TBC1D1: variants seen among roughly 807,000 people sequenced by gnomAD.
TBC1D1 encodes the protein TBC1 (tre-2/USP6, BUB2, cdc16) domain family, member 1.
A neutral mutation model predicts 125.6 loss-of-function variants in TBC1D1; 89 were observed. The ratio of observed to expected loss-of-function variants is 0.71; its 90% CI spans 0.60 to 0.85. The LOEUF is 0.85. TBC1D1 is among the 40% of genes least tolerant of loss of function. TBC1D1 has a pLI of 0.00. For synonymous variants in TBC1D1, 565 were observed against 564.1 expected, an observed-to-expected ratio of 1.00 and a Z score of -0.02; for missense variants, 1,377 against 1,469.2, an observed-to-expected ratio of 0.94 and a Z score of 1.03.
intron 12 of TBC1D1, among the ~76,000 whole-genome samples, chr4:38,059,910 G>T (rs1479583681): frequency 5.3e-5 from 8 of 152,102 alleles, no homozygotes; most frequent in Admixed American, 1.3e-4. Context: ...AGTGTTTGTT[G>T]TTCCCTTTCC....
Position 37,902,024 on chromosome 4 carries a change from A to C in TBC1D1, c.-72A>C. ...CCAGGTTTCTGCATATGAAGTGTGTAAAATAGATTGCTTGATCCAAAACAG... is the reference window on the plus strand; with the variant it reads ...CCAGGTTTCTGCATATGAAGTGTGTCAAATAGATTGCTTGATCCAAAACAG... On this transcript the variant is annotated 5_prime_UTR_variant, in exon 2 of 20. Transcript: ENST00000261439. 6.8e-7 allele frequency: 1 copy of C among 1,475,760 alleles called. No individual in the cohort carries two copies. Among genetic ancestry groups the C allele is most frequent in the Non-Finnish European group, 9.1e-7 (1 of 1,095,652 alleles). 91.4% of individuals were successfully genotyped at this position (1,475,760 alleles called of 1,614,324 possible).
chr4:37,976,844 CT>C (rs879420436), intron 2 of TBC1D1, among the ~76,000 whole-genome samples: 1 of 152,202 alleles, frequency 6.6e-6, no homozygotes, highest in Non-Finnish European at 1.5e-5. Flanking sequence ...CTCTGCCCCA[CT>C]TTTGGTCTCA....
chr4:38,102,372 A>G (rs1324138192), intron 14 of TBC1D1, among the ~76,000 whole-genome samples: 1 of 152,068 alleles, frequency 6.6e-6, no homozygotes, highest in Non-Finnish European at 1.5e-5. Context: ...TTTCCCTAGA[A>G]TGTTGTTAAT....
chr4:37,913,442 T>C (rs1719026785), intron 2 of TBC1D1, among the ~76,000 whole-genome samples: 1 of 151,544 alleles, frequency 6.6e-6, no homozygotes, highest in Non-Finnish European at 1.5e-5. Context: ...CTACTGAAAA[T>C]ACAAAAATTA....
chr4:38,014,784 C>T lies in TBC1D1; in HGVS notation c.693C>T (p.Pro231=). The change falls in exon 3 of 20, where the codon CCC becomes CCT. Residue 231 remains proline, a synonymous_variant. Coordinates refer to ENST00000261439, the MANE Select transcript of TBC1D1 (RefSeq NM_015173.4). This position sits in a 1 kb window ranked among gnomAD's most constrained non-coding sequence, Gnocchi z 5.1. Reference sequence around the variant, plus strand: ...GGAGCCAGGAGCCTGTGCGCAGGCCCATGCGCAAGTCCTTCTCCCAGCCCG... The same window carrying T: ...GGAGCCAGGAGCCTGTGCGCAGGCCTATGCGCAAGTCCTTCTCCCAGCCCG... 1 of 1,610,940 alleles carries T rather than the reference C, an allele frequency of 6.2e-7. No homozygotes were observed. The highest frequency in any genetic ancestry group is 8.5e-7 in the Non-Finnish European group (1 of 1,178,560).
At position 38,118,086 on chromosome 4, in the gene TBC1D1, C is replaced by T. The variant is rs763096514; in HGVS notation, c.2856C>T (p.Tyr952=). ...TTCATGATTACCACAGAGACCTCTACAATCACCTGGAGGAGCACGAGATCG... is the reference window on the plus strand; with the variant it reads ...TTCATGATTACCACAGAGACCTCTATAATCACCTGGAGGAGCACGAGATCG... Residue 952 remains tyrosine (Y), a synonymous_variant, in exon 17 of 20, where the codon TAC becomes TAT. Transcript: ENST00000261439. 3.1e-6 allele frequency: 5 copies of T among 1,614,218 alleles called. No individual in the cohort carries two copies. In the Admixed American group the frequency reaches 8.3e-5, roughly 27 times the overall value.
chr4:38,048,541 C>CTTTT (rs545432990), intron 10 of TBC1D1, among the ~76,000 whole-genome samples: 1 of 131,890 alleles, frequency 7.6e-6, no homozygotes, highest in African/African-American at 2.7e-5. Flanking sequence ...AAACACATTT[C>CTTTT]TTTTTTTTTT....
Position 38,049,834 on chromosome 4 carries a change from G to GGGGTT in TBC1D1, c.1847_1851dup (p.Ser618GlyfsTer8). 6.2e-7 allele frequency: 1 copy of GGGGTT among 1,614,034 alleles called. No individual in the cohort carries two copies. Among genetic ancestry groups the GGGGTT allele is most frequent in the Non-Finnish European group, 8.5e-7 (1 of 1,179,978 alleles). ...TCCACAACCTGCCCGGGGGTCCCCG[G>GGGGTT]GGGTTTCGCAAAGGAAACTTATGAG... On this transcript the variant is annotated frameshift_variant, in exon 11 of 20. Coordinates refer to ENST00000261439, the MANE Select transcript of TBC1D1 (RefSeq NM_015173.4). LOFTEE classifies it high-confidence loss of function.
intron 12 of TBC1D1, among the ~76,000 whole-genome samples, chr4:38,088,528 C>G (rs1175924132): frequency 6.6e-6 from 1 of 152,226 alleles, no homozygotes; most frequent in African/African-American, 2.4e-5. Flanking sequence ...GTGACCAAAA[C>G]CCTTGTCAAC....
rs201551485 is a variant in TBC1D1 at position 37,922,377 on chromosome 4, TC to T, written c.417+19867del. ...GGGGTTCTGGCTTTAGAAGCTAACC[TC>T]CTGATTTTCATTGTGTAACTCTAAC... On this transcript the variant is annotated intron_variant, in intron 2 of 19. Transcript: ENST00000261439. 1.7e-3 allele frequency among the ~76,000 whole-genome samples: 265 copies of T among 152,290 alleles called. 3 individuals carry two copies. In the East Asian group the frequency reaches 0.039, roughly 22 times the overall value.
chr4:38,038,047 A>G (rs1004412299), intron 8 of TBC1D1, among the ~76,000 whole-genome samples: 1 of 152,194 alleles, frequency 6.6e-6, no homozygotes, highest in Non-Finnish European at 1.5e-5. Context: ...CCTTACATAA[A>G]TGACTCCATT....
At chr4:38,010,368 A>T (rs1741216062) in intron 2 of TBC1D1, among the ~76,000 whole-genome samples, 1 of 151,778 alleles carries the variant, frequency 6.6e-6, no homozygotes, top group Admixed American at 6.6e-5. Context: ...GCGATTCCTT[A>T]GTTTCTCTAC....
At chr4:38,006,970 T>C (rs73236880) in intron 2 of TBC1D1, 13,539 of 429,118 alleles carry the variant, frequency 0.032, 278 homozygotes, top group Non-Finnish European at 0.041. Context: ...TAAGTCTCCT[T>C]CTTCTTGGCC....
intron 2 of TBC1D1, among the ~76,000 whole-genome samples, chr4:37,938,653 G>A (rs10022454): frequency 0.019 from 2,838 of 152,110 alleles, 93 homozygotes; most frequent in African/African-American, 0.065. Flanking sequence ...TTTACATTAG[G>A]TATATCTCCT....
chr4:38,028,473 A>G (rs1367796256), intron 7 of TBC1D1, among the ~76,000 whole-genome samples: 2 of 152,144 alleles, frequency 1.3e-5, no homozygotes, highest in East Asian at 1.9e-4. Flanking sequence ...CCAAAATCTC[A>G]TAATGCTTTA....
intron 16 of TBC1D1, 34 bp from the exon 19 acceptor site, chr4:38,117,999 C>G (rs755950074): frequency 5.6e-6 from 9 of 1,609,476 alleles, no homozygotes; most frequent in Non-Finnish European, 7.6e-6. Flanking sequence ...TGGCAGATCC[C>G]TAATTCTCAG....
intron 2 of TBC1D1, among the ~76,000 whole-genome samples, chr4:37,980,964 C>T (rs1734224638): frequency 2.0e-5 from 3 of 150,586 alleles, no homozygotes; most frequent in South Asian, 4.2e-4. Context: ...TTTTTTTGAC[C>T]CTGAGTCTCA....
At chr4:37,903,574 G>A (rs775937965) in intron 2 of TBC1D1, among the ~76,000 whole-genome samples, 7 of 152,142 alleles carry the variant, frequency 4.6e-5, no homozygotes, top group Non-Finnish European at 8.8e-5. Context: ...TTAAAATCTG[G>A]ATAGAAATGC....
At chr4:38,003,762 G>T (rs998404071) in intron 2 of TBC1D1, among the ~76,000 whole-genome samples, 3 of 151,998 alleles carry the variant, frequency 2.0e-5, no homozygotes, top group Non-Finnish European at 4.4e-5. Context: ...CAGCTACTTG[G>T]GAGGCTGAAA....
Sources: allele counts gnomAD v4.1 joint callset (sites outside exome capture counted in the v4.1 genomes callset), GRCh38; gene constraint gnomAD v4.1.1; non-coding constraint Gnocchi (gnomAD v3.1); transcripts MANE v1.5; gene names NCBI Gene and HGNC (gene_info 2026-07-23, HGNC 2026-07-21).